The following DPP10 variants were observed in gnomAD, a reference collection of about 807,000 sequenced individuals.
DPP10 encodes inactive dipeptidyl peptidase 10.
A neutral mutation model predicts 120.9 loss-of-function variants in DPP10; 33 were observed. The ratio of observed to expected loss-of-function variants is 0.27; its 90% CI spans 0.21 to 0.37. DPP10 has a LOEUF of 0.37. DPP10 is among the 10% of genes least tolerant of loss of function. The pLI, the probability that DPP10 is intolerant of heterozygous loss-of-function variation, is 1.00. For missense variants in DPP10, 816 were observed against 942.8 expected (o/e 0.87, Z 1.76); for synonymous variants, 337 against 326.1 (o/e 1.03, Z -0.36).
intron 5 of DPP10, among the ~76,000 whole-genome samples, chr2:115,662,283 T>C (rs2089053137): frequency 6.6e-6 from 1 of 152,216 alleles, no homozygotes; most frequent in Non-Finnish European, 1.5e-5. Context: ...ATTTTAGTTG[T>C]TTCCATATTG....
intron 3 of DPP10, among the ~76,000 whole-genome samples, chr2:115,396,866 G>A (rs141237611): frequency 5.9e-5 from 9 of 152,040 alleles, no homozygotes; most frequent in East Asian, 3.9e-4. Flanking sequence ...GGAAACTACC[G>A]AGACTCAAAA....
intron 1 of DPP10, among the ~76,000 whole-genome samples, chr2:114,945,160 A>T (rs1697252091): frequency 6.6e-6 from 1 of 152,244 alleles, no homozygotes; most frequent in Non-Finnish European, 1.5e-5. Flanking sequence ...TGAAGCAGAA[A>T]ATCTATGTAA....
chr2:114,643,276 G>A (rs765081819), intron 1 of DPP10, among the ~76,000 whole-genome samples: 1 of 151,886 alleles, frequency 6.6e-6, no homozygotes, highest in South Asian at 2.1e-4. Flanking sequence ...GCCAGGGGCA[G>A]GGAGGGCACT....
chr2:114,832,889 C>G (rs1687266032), intron 1 of DPP10, among the ~76,000 whole-genome samples: 1 of 151,922 alleles, frequency 6.6e-6, no homozygotes, highest in African/African-American at 2.4e-5. Context: ...ACTTTAAATG[C>G]TTATGCTTTG....
chr2:115,540,262 T>G (rs1365839039), intron 5 of DPP10, among the ~76,000 whole-genome samples: 2 of 151,976 alleles, frequency 1.3e-5, no homozygotes, highest in Non-Finnish European at 2.9e-5. Context: ...TGATGCTTAA[T>G]TCTACTTACT....
chr2:114,663,623 CTATA>C (rs1452088922), intron 1 of DPP10, among the ~76,000 whole-genome samples: 2 of 120,460 alleles, frequency 1.7e-5, no homozygotes, highest in African/African-American at 6.9e-5. Flanking sequence ...ACATATATGT[CTATA>C]TATACATGTA....
At chr2:115,490,236 G>A (rs867763823) in intron 3 of DPP10, among the ~76,000 whole-genome samples, 9 of 152,144 alleles carry the variant, frequency 5.9e-5, no homozygotes, top group Admixed American at 4.6e-4. Flanking sequence ...GGCTAAGGAG[G>A]CCTCAGGAAA....
chr2:115,485,314 C>T (rs780946748), intron 3 of DPP10, among the ~76,000 whole-genome samples: 7 of 143,750 alleles, frequency 4.9e-5, no homozygotes, highest in South Asian at 2.1e-4. Flanking sequence ...CAAAGAAAAA[C>T]GACAACCTAT....
chr2:114,866,953 C>G (rs747726362), intron 1 of DPP10, among the ~76,000 whole-genome samples: 1 of 152,148 alleles, frequency 6.6e-6, no homozygotes, highest in African/African-American at 2.4e-5. Flanking sequence ...GTTTGAGCAG[C>G]CTTCCAGGTT....
chr2:115,670,110 A>G (rs1324393885), intron 5 of DPP10, among the ~76,000 whole-genome samples: 1 of 152,102 alleles, frequency 6.6e-6, no homozygotes, highest in Non-Finnish European at 1.5e-5. Flanking sequence ...GGATCTTCAC[A>G]TAACAGAGAT....
chr2:115,427,809 G>A (rs2070620556), intron 3 of DPP10, among the ~76,000 whole-genome samples: 1 of 152,094 alleles, frequency 6.6e-6, no homozygotes. Context: ...TGGGCTTTTT[G>A]TTTCTACCCC....
intron 1 of DPP10, among the ~76,000 whole-genome samples, chr2:114,669,017 T>C (rs929407351): frequency 6.6e-5 from 10 of 152,180 alleles, no homozygotes; most frequent in Non-Finnish European, 1.3e-4. Context: ...TTTCTTAACA[T>C]TGCTTGAGTC....
chr2:115,530,754 C>A (rs913073962), intron 5 of DPP10, among the ~76,000 whole-genome samples: 11 of 152,080 alleles, frequency 7.2e-5, no homozygotes, highest in Non-Finnish European at 1.3e-4. Flanking sequence ...TTGGCTATGG[C>A]ATTAGAATCA....
chr2:115,244,257 G>T lies in DPP10; in HGVS notation c.61-64982G>T, dbSNP rs868851827. 7.3e-3 allele frequency among the ~76,000 whole-genome samples: 1,043 copies of T among 143,254 alleles called. 7 individuals are homozygous for T. The highest frequency in any genetic ancestry group is 0.019 in the Middle Eastern group (5 of 264). The allele number at this position is 143,254 out of a possible 152,430, so 94.0% of individuals were successfully genotyped here. On this transcript the variant is annotated intron_variant, in intron 1 of 25. Transcript: ENST00000410059. ...ATATATATAGAGAGAGAGAGAGAGAGAGAGAGAGAGAGAGAGAGAGAGAGA... is the reference window on the plus strand; with the variant it reads ...ATATATATAGAGAGAGAGAGAGAGATAGAGAGAGAGAGAGAGAGAGAGAGA...
At chr2:115,133,183 T>TC (rs2050471296) in intron 1 of DPP10, among the ~76,000 whole-genome samples, 1 of 100,788 alleles carries the variant, frequency 9.9e-6, no homozygotes, top group Admixed American at 9.6e-5. Context: ...ATATAGTTTT[T>TC]TTTTTTTTTT....
intron 5 of DPP10, among the ~76,000 whole-genome samples, chr2:115,679,677 A>C (rs962623027): frequency 3.7e-4 from 57 of 152,216 alleles, no homozygotes; most frequent in African/African-American, 1.3e-3. Flanking sequence ...AAAATAATAA[A>C]ATTCTGTTAT....
intron 1 of DPP10, among the ~76,000 whole-genome samples, chr2:115,011,765 G>A (rs1702280510): frequency 1.3e-5 from 2 of 152,144 alleles, no homozygotes; most frequent in Non-Finnish European, 2.9e-5. Flanking sequence ...AATGTACCAG[G>A]AAAGCTAAGA....
chr2:114,871,733 G>A (rs1186035074), intron 1 of DPP10, among the ~76,000 whole-genome samples: 7 of 152,136 alleles, frequency 4.6e-5, no homozygotes, highest in Admixed American at 4.6e-4. Context: ...CAACCCCCAG[G>A]CCATGGACCA....
chr2:114,478,533 T>C (rs776722649), intron 1 of DPP10, among the ~76,000 whole-genome samples: 9 of 152,004 alleles, frequency 5.9e-5, no homozygotes, highest in Admixed American at 5.2e-4. Flanking sequence ...ACCATTCTTA[T>C]TGGATGCAGC....
Sources: allele counts gnomAD v4.1 joint callset (sites outside exome capture counted in the v4.1 genomes callset), GRCh38; gene constraint gnomAD v4.1.1; transcripts MANE v1.5; gene names NCBI Gene and HGNC (gene_info 2026-07-23, HGNC 2026-07-21).